Variants in CHCHD6 observed in about 807,000 individuals in gnomAD.
The protein encoded by CHCHD6 is coiled-coil-helix-coiled-coil-helix domain containing 6, also known as MICOS complex subunit MIC25.
A neutral mutation model predicts 32.3 loss-of-function variants in CHCHD6; 28 were observed. That is an observed-to-expected ratio of 0.87 (90% CI 0.64 to 1.19). The LOEUF (loss-of-function observed/expected upper bound fraction) is 1.19. Among genes scored for constraint, CHCHD6 ranks in the 50% most tolerant of loss-of-function variants. The probability of loss-of-function intolerance (pLI) is 0.00; values close to 1 mark genes in which losing one functional copy is unlikely to be tolerated. For synonymous variants in CHCHD6, 122 were observed against 117.5 expected (o/e 1.04, Z -0.25); for missense variants, 333 against 307.0 (o/e 1.08, Z -0.63).
At chr3:126,780,755 C>T (rs1937896410) in intron 4 of CHCHD6, among the ~76,000 whole-genome samples, 1 of 152,164 alleles carries the variant, frequency 6.6e-6, no homozygotes, top group African/African-American at 2.4e-5. Flanking sequence ...TGTGTGTGGA[C>T]TGCTTTTGGC....
At position 126,766,663 on chromosome 3, in the gene CHCHD6, G is replaced by T. The variant is rs374829977; in HGVS notation, c.411+33441G>T. 5,225 of 1,043,922 alleles carry T rather than the reference G, an allele frequency of 5.0e-3. 39 individuals are homozygous for T. Among genetic ancestry groups the T allele is most frequent in the South Asian group, 0.011 (878 of 78,616 alleles). The allele number at this position is 1,043,922 out of a possible 1,614,324, so 64.7% of individuals were successfully genotyped here. ...CCCCAGCTATGGTGCTCTCTCGGTGGCCACAATGATGCTGCTCTTCCCACA... is the reference window on the plus strand; with the variant it reads ...CCCCAGCTATGGTGCTCTCTCGGTGTCCACAATGATGCTGCTCTTCCCACA... On this transcript the variant is annotated intron_variant, in intron 4 of 7. Coordinates refer to ENST00000290913, the MANE Select transcript of CHCHD6 (RefSeq NM_032343.3).
chr3:126,831,085 G>T (rs1451091032), intron 4 of CHCHD6, among the ~76,000 whole-genome samples: 1 of 151,510 alleles, frequency 6.6e-6, no homozygotes, highest in African/African-American at 2.4e-5. Context: ...GTGTGGTGGC[G>T]CAATCTCAGC....
At chr3:126,959,864 A>G (rs948690696) in intron 7 of CHCHD6, among the ~76,000 whole-genome samples, 1 of 152,184 alleles carries the variant, frequency 6.6e-6, no homozygotes, top group Non-Finnish European at 1.5e-5. Flanking sequence ...ACTCTTCTAT[A>G]TCCAGGGTGC....
rs552119717 is a variant in CHCHD6, at chr3:126,863,822, C to T, written c.495+11092C>T. Among the ~76,000 whole-genome samples the T allele has an allele frequency of 1.6e-3, 236 of 148,440 alleles. 3 individuals are homozygous for T. Among genetic ancestry groups the T allele is most frequent in the South Asian group, 0.013 (59 of 4,586 alleles). On this transcript the variant is annotated intron_variant, in intron 5 of 7. Transcript: ENST00000290913. Reference sequence around the variant, plus strand: ...TCCTCTACCATCATCACCACCTCCTCCTCTACCATCACCACCTCCTCCTCC... The same window carrying T: ...TCCTCTACCATCATCACCACCTCCTTCTCTACCATCACCACCTCCTCCTCC...
chr3:126,766,980 G>A (rs1366600528), intron 4 of CHCHD6: 30 of 905,222 alleles, frequency 3.3e-5, no homozygotes, highest in Non-Finnish European at 4.9e-5. Flanking sequence ...TGTGGTTAGC[G>A]CCACAGGCTA....
intron 6 of CHCHD6, among the ~76,000 whole-genome samples, chr3:126,951,541 T>G (rs1057334374): frequency 1.3e-5 from 2 of 152,188 alleles, no homozygotes; most frequent in Non-Finnish European, 2.9e-5. Context: ...CCGAAACTTA[T>G]GGATAGTGGA....
intron 4 of CHCHD6, among the ~76,000 whole-genome samples, chr3:126,821,409 T>TCAGTA (rs907908971): frequency 6.6e-6 from 1 of 152,144 alleles, no homozygotes; most frequent in Non-Finnish European, 1.5e-5. Context: ...TTCTCCTGCC[T>TCAGTA]TACTGAGCCT....
At chr3:126,820,100 C>G (rs1246077657) in intron 4 of CHCHD6, among the ~76,000 whole-genome samples, 1 of 152,164 alleles carries the variant, frequency 6.6e-6, no homozygotes, top group African/African-American at 2.4e-5. Context: ...CATGCCATGA[C>G]CTATTTTTTT....
rs934176251 is a variant in CHCHD6, at chr3:126,953,373, C to T, written c.567-4043C>T. Among the ~76,000 whole-genome samples, 48 of 152,204 alleles carry T rather than the reference C, an allele frequency of 3.2e-4. 1 individual carries two copies. The highest frequency in any genetic ancestry group is 1.9e-4 in the East Asian group (1 of 5,196). On this transcript the variant is annotated intron_variant, in intron 6 of 7. Coordinates refer to ENST00000290913, the MANE Select transcript of CHCHD6 (RefSeq NM_032343.3). ...AGGTCTCGAATGATATCAGAGCTTA[C>T]GCTGTAGAGGGAGGGACCCTTTAAG...
At chr3:126,801,768 G>GCCCC (rs1939083235) in intron 4 of CHCHD6, among the ~76,000 whole-genome samples, 2 of 152,192 alleles carry the variant, frequency 1.3e-5, no homozygotes, top group African/African-American at 2.4e-5. Flanking sequence ...CCTCAAGTGG[G>GCCCC]TCCCTGACCC....
At chr3:126,769,698 G>A (rs1937509770) in intron 4 of CHCHD6, among the ~76,000 whole-genome samples, 1 of 152,050 alleles carries the variant, frequency 6.6e-6, no homozygotes. Flanking sequence ...TAGAGATGGG[G>A]TTTTGCCATG....
Position 126,852,727 on chromosome 3 carries a change from G to A in CHCHD6, c.492G>A (p.Arg164=), listed in dbSNP as rs761804489. The A allele has an allele frequency of 1.9e-6, 3 of 1,610,388 alleles. No homozygotes were observed. Among genetic ancestry groups the A allele is most frequent in the Non-Finnish European group, 2.5e-6 (3 of 1,176,936 alleles). Reference sequence around the variant, plus strand: ...AGGAGCAGCTGGAGCGTATTGAGAGGAAGGTAAGACTCCTGCTTGGCTGCA... The same window carrying A: ...AGGAGCAGCTGGAGCGTATTGAGAGAAAGGTAAGACTCCTGCTTGGCTGCA... ...FYKEQLERIE[R]KNAEMYKLSS... Residue 164 remains arginine, a synonymous_variant, in exon 5 of 8, where the codon AGG becomes AGA. Coordinates refer to ENST00000290913, the MANE Select transcript of CHCHD6 (RefSeq NM_032343.3).
At chr3:126,780,253 G>T in intron 4 of CHCHD6, 1 of 348,004 alleles carries the variant, frequency 2.9e-6, no homozygotes, top group Non-Finnish European at 5.6e-6. Flanking sequence ...TGAAAGTTAG[G>T]GAAACACCTA....
intron 4 of CHCHD6, among the ~76,000 whole-genome samples, chr3:126,763,096 T>G (rs1160765705): frequency 6.6e-6 from 1 of 152,208 alleles, no homozygotes; most frequent in African/African-American, 2.4e-5. Flanking sequence ...CCTCAGTCCT[T>G]CATTTCTGCC....
intron 6 of CHCHD6, chr3:126,953,201 A>C (rs1222617043): frequency 5.5e-6 from 5 of 915,550 alleles, no homozygotes; most frequent in Non-Finnish European, 6.5e-6. Context: ...CTGATCCCAG[A>C]ACCTGTGTTC....
At chr3:126,841,406 C>G (rs1014453839) in intron 4 of CHCHD6, among the ~76,000 whole-genome samples, 1 of 152,162 alleles carries the variant, frequency 6.6e-6, no homozygotes, top group African/African-American at 2.4e-5. Flanking sequence ...GTATTCAAAT[C>G]TAACTTTTTC....
chr3:126,841,320 CTT>C (rs1941072292), intron 4 of CHCHD6, among the ~76,000 whole-genome samples: 1 of 152,056 alleles, frequency 6.6e-6, no homozygotes, highest in African/African-American at 2.4e-5. Context: ...GGTTCCAAGT[CTT>C]TGCTATTGTG....
At chr3:126,728,771 T>A (rs1160387761) in intron 2 of CHCHD6, among the ~76,000 whole-genome samples, 1 of 152,266 alleles carries the variant, frequency 6.6e-6, no homozygotes, top group East Asian at 1.9e-4. Context: ...TTCAGTTTGG[T>A]AAGTTCCAGC....
intron 1 of CHCHD6, among the ~76,000 whole-genome samples, chr3:126,712,941 A>G (rs1217404491): frequency 6.6e-6 from 1 of 152,206 alleles, no homozygotes; most frequent in East Asian, 1.9e-4. Context: ...TCTACTATCC[A>G]GTCCTTCATC....
Sources: allele counts gnomAD v4.1 joint callset (sites outside exome capture counted in the v4.1 genomes callset), GRCh38; gene constraint gnomAD v4.1.1; transcripts MANE v1.5; gene names NCBI Gene and HGNC (gene_info 2026-07-23, HGNC 2026-07-21).